HYAL4: variants seen among roughly 807,000 people sequenced by gnomAD.
The protein encoded by HYAL4 is hyaluronidase-4.
A neutral mutation model predicts 35.2 loss-of-function variants in HYAL4; 37 were observed. The observed-to-expected ratio is 1.05, with a 90% CI of 0.81 to 1.38. The LOEUF is 1.38. Ranked by LOEUF, HYAL4 falls within the 40% of genes most tolerant of loss-of-function variation. HYAL4 has a pLI of 0.00. For synonymous variants in HYAL4, 198 were observed against 203.2 expected (o/e 0.97, Z 0.22); for missense variants, 572 against 572.4 (o/e 1.00, Z 0.01).
intron 2 of HYAL4, among the ~76,000 whole-genome samples, chr7:123,866,983 G>T (rs775587074): frequency 3.8e-4 from 58 of 152,094 alleles, no homozygotes; most frequent in Non-Finnish European, 6.3e-4. Context: ...TAGAGATGGG[G>T]TTTCCCCATG....
chr7:123,787,182 A>G, the HYAL4 span, among the ~76,000 whole-genome samples: 1 of 151,704 alleles, frequency 6.6e-6, no homozygotes, highest in African/African-American at 2.4e-5. Context: ...AATGTATCTC[A>G]CTCTGAACTT....
chr7:123,813,395 A>G, the HYAL4 span, among the ~76,000 whole-genome samples: 1 of 152,098 alleles, frequency 6.6e-6, no homozygotes, highest in Non-Finnish European at 1.5e-5. Context: ...GCCTAAAGAG[A>G]CAAGTTTTAT....
At chr7:123,814,727 A>T in the HYAL4 span, 1 of 152,676 alleles carries the variant, frequency 6.5e-6, no homozygotes, top group African/African-American at 2.4e-5. Flanking sequence ...GGCTTTAGAA[A>T]TGAGACCAAA....
the HYAL4 span, among the ~76,000 whole-genome samples, chr7:123,793,764 A>G: frequency 1.3e-5 from 2 of 152,214 alleles, no homozygotes; most frequent in African/African-American, 4.8e-5. Flanking sequence ...AGTCTCAGGT[A>G]TGACTTTATT....
chr7:123,815,942 G>A, the HYAL4 span, among the ~76,000 whole-genome samples: 1 of 152,106 alleles, frequency 6.6e-6, no homozygotes, highest in African/African-American at 2.4e-5. Context: ...AATTAGACTT[G>A]ACATATTCAT....
chr7:123,775,129 A>G, the HYAL4 span, among the ~76,000 whole-genome samples: 1 of 152,328 alleles, frequency 6.6e-6, no homozygotes, highest in Admixed American at 6.5e-5. Flanking sequence ...ATACTTGCAC[A>G]TCTTTTAAAA....
At chr7:123,809,736 C>T in the HYAL4 span, among the ~76,000 whole-genome samples, 1 of 152,116 alleles carries the variant, frequency 6.6e-6, no homozygotes, top group Non-Finnish European at 1.5e-5. Context: ...ACATTCATAT[C>T]ATTGTAGCCA....
chr7:123,832,213 A>G (rs1209798127), intron 1 of HYAL4, among the ~76,000 whole-genome samples: 1 of 152,108 alleles, frequency 6.6e-6, no homozygotes, highest in Non-Finnish European at 1.5e-5. Context: ...CATTTTTTGA[A>G]TATTAGAATT....
At chr7:123,807,671 A>G in the HYAL4 span, among the ~76,000 whole-genome samples, 1 of 150,964 alleles carries the variant, frequency 6.6e-6, no homozygotes, top group Admixed American at 6.6e-5. Flanking sequence ...GAACTCCTGA[A>G]CTTAGGTGAT....
the HYAL4 span, among the ~76,000 whole-genome samples, chr7:123,806,546 C>T: frequency 2.0e-5 from 3 of 151,824 alleles, no homozygotes; most frequent in East Asian, 1.9e-4. Flanking sequence ...CAGGTTCAAG[C>T]GATTCTCCTG....
At chr7:123,801,367 GT>G in the HYAL4 span, among the ~76,000 whole-genome samples, 1 of 152,130 alleles carries the variant, frequency 6.6e-6, no homozygotes. Context: ...ATACTGATCT[GT>G]TTTCCATCCA....
chr7:123,840,648 C>T (rs1427870359), upstream of HYAL4, among the ~76,000 whole-genome samples: 3 of 152,016 alleles, frequency 2.0e-5, no homozygotes, highest in East Asian at 3.9e-4. Flanking sequence ...TTGTTTGTGT[C>T]CTCTTTTATT....
At chr7:123,830,778 CTCA>C (rs1308560884) in intron 1 of HYAL4, among the ~76,000 whole-genome samples, 2 of 151,996 alleles carry the variant, frequency 1.3e-5, no homozygotes. Flanking sequence ...AATTTAGACT[CTCA>C]TCTTTGTCTC....
chr7:123,851,870 G>A (rs187632764), intron 2 of HYAL4, among the ~76,000 whole-genome samples: 45 of 152,268 alleles, frequency 3.0e-4, no homozygotes, highest in East Asian at 2.1e-3. Context: ...GTGTAAAAGC[G>A]TTCCTATTTC....
the HYAL4 span, among the ~76,000 whole-genome samples, chr7:123,800,919 C>T: frequency 6.6e-6 from 1 of 152,024 alleles, no homozygotes; most frequent in Non-Finnish European, 1.5e-5. Flanking sequence ...CCTTGGCCTC[C>T]CAAAGTGCTG....
At chr7:123,841,671 G>T (rs541988231), upstream of HYAL4, among the ~76,000 whole-genome samples, 1 of 151,802 alleles carries the variant, frequency 6.6e-6, no homozygotes, top group Non-Finnish European at 1.5e-5. Context: ...CAATTTCAGA[G>T]CCTGTTATTG....
chr7:123,816,535 A>G, the HYAL4 span, among the ~76,000 whole-genome samples: 1 of 152,230 alleles, frequency 6.6e-6, no homozygotes, highest in African/African-American at 2.4e-5. Context: ...TTGAGAGAAA[A>G]TGGGAGAATG....
At chr7:123,866,909 G>C (rs1806702547) in intron 2 of HYAL4, among the ~76,000 whole-genome samples, 1 of 151,282 alleles carries the variant, frequency 6.6e-6, no homozygotes, top group African/African-American at 2.4e-5. Context: ...TCCTGCCTCA[G>C]CCTCCTCAGT....
chr7:123,852,097 TC>T (rs1806318084), intron 2 of HYAL4, among the ~76,000 whole-genome samples: 1 of 152,204 alleles, frequency 6.6e-6, no homozygotes, highest in African/African-American at 2.4e-5. Flanking sequence ...TTTGTTTTTA[TC>T]TTATAAATTT....
Sources: allele counts gnomAD v4.1 joint callset (sites outside exome capture counted in the v4.1 genomes callset), GRCh38; gene constraint gnomAD v4.1.1; transcripts MANE v1.5; gene names NCBI Gene and HGNC (gene_info 2026-07-23, HGNC 2026-07-21).